Variants in NOL10 observed in about 807,000 individuals in gnomAD.
The protein encoded by NOL10 is nucleolar protein 10.
Under a neutral mutation model 103.5 loss-of-function variants are expected in NOL10, and 58 were observed. That is an observed-to-expected ratio of 0.56 (90% CI 0.45 to 0.70). The LOEUF (loss-of-function observed/expected upper bound fraction) is 0.70, where lower values mean the gene tolerates loss of function less well. NOL10 is among the 30% of genes least tolerant of loss of function. The pLI, the probability that NOL10 is intolerant of heterozygous loss-of-function variation, is 0.00. For synonymous variants in NOL10, 287 were observed against 282.5 expected (o/e 1.02, Z -0.16); for missense variants, 763 against 807.3 (o/e 0.95, Z 0.67).
chr2:10,621,789 T>A (rs184459612), intron 13 of NOL10, among the ~76,000 whole-genome samples: 69 of 152,234 alleles, frequency 4.5e-4, no homozygotes, highest in African/African-American at 1.6e-3. Flanking sequence ...ACAAAATATA[T>A]TTCTTTGAGA....
At chr2:10,646,344 A>G (rs989529429) in intron 12 of NOL10, among the ~76,000 whole-genome samples, 3 of 152,246 alleles carry the variant, frequency 2.0e-5, no homozygotes, top group African/African-American at 4.8e-5. Context: ...ACATTCCACA[A>G]TGAAATACAA....
chr2:10,633,434 A>G (rs941572800), intron 13 of NOL10, among the ~76,000 whole-genome samples: 1 of 151,122 alleles, frequency 6.6e-6, no homozygotes, highest in Non-Finnish European at 1.5e-5. Flanking sequence ...GTATCATAAC[A>G]TTGGTATTAA....
In NOL10 at chr2:10,682,061, T is replaced by C. The variant is rs1312934284; in HGVS notation, c.121A>G (p.Arg41Gly). 2.0e-6 allele frequency: 3 copies of C among 1,469,236 alleles called. No individual in the cohort carries two copies. The highest frequency in any genetic ancestry group is 1.5e-5 in the South Asian group (1 of 67,896). The allele number at this position is 1,469,236 out of a possible 1,614,324, so 91.0% of individuals were successfully genotyped here. The stretch of plus-strand genomic sequence containing the variant: ...AAGTCCTGAATAAGTTCAATTCTCC[T>C]ACGGACATCTAAAAAGAGAGAAAAA... ...ALQKKDVDVR[R>G]RIELIQDFEM... Residue 41 changes from arginine (R) to glycine (G), a missense_variant, in exon 3 of 21, where the codon AGG (arginine) becomes GGG (glycine). Transcript: ENST00000381685.
In NOL10 at chr2:10,600,960, G is replaced by A; in HGVS notation, c.1333-18C>T. On this transcript the variant is annotated intron_variant, in intron 16 of 20. Transcript: ENST00000381685. ...GGCAATTTCTAGAGAGAAAATAAAA[G>A]CTGGTATTTTATTTTATTTTAAAAG... The A allele has an allele frequency of 7.1e-7, 1 of 1,410,228 alleles. No individual in the cohort carries two copies. Among genetic ancestry groups the A allele is most frequent in the South Asian group, 1.3e-5 (1 of 77,282 alleles). The allele number at this position is 1,410,228 out of a possible 1,614,324, so 87.4% of individuals were successfully genotyped here.
intron 12 of NOL10, among the ~76,000 whole-genome samples, chr2:10,650,046 C>T (rs1456994259): frequency 1.3e-5 from 2 of 152,158 alleles, no homozygotes; most frequent in African/African-American, 4.8e-5. Flanking sequence ...TTTTAAAATG[C>T]TACTCATTAA....
chr2:10,688,807 T>A (rs558100300), intron 1 of NOL10, among the ~76,000 whole-genome samples: 4 of 152,282 alleles, frequency 2.6e-5, no homozygotes, highest in Middle Eastern at 3.4e-3. Flanking sequence ...ATGAACAAAA[T>A]GAGAAAGCTC....
intron 19 of NOL10, among the ~76,000 whole-genome samples, chr2:10,583,976 A>C (rs531421566): frequency 6.6e-6 from 1 of 152,322 alleles, no homozygotes; most frequent in Middle Eastern, 3.4e-3. Context: ...GATCCCATTC[A>C]TCTAAGCTGT....
In NOL10 at chr2:10,577,726, T is replaced by C; in HGVS notation, c.1857A>G (p.Glu619=). 6.2e-7 allele frequency: 1 copy of C among 1,607,208 alleles called. No homozygotes were observed. The highest frequency in any genetic ancestry group is 8.5e-7 in the Non-Finnish European group (1 of 1,175,662). ...TKQKLMNKTL[E]DRLKIEAKNG... ...TTTTTGCTTCAATTTTCAAACGATC[T>C]TCAAGGGTTTTGCTATGGGAAATTC... Residue 619 remains glutamate (E), a synonymous_variant, in exon 20 of 21, where the codon GAA becomes GAG. Coordinates refer to ENST00000381685, the MANE Select transcript of NOL10 (RefSeq NM_024894.4).
intron 13 of NOL10, among the ~76,000 whole-genome samples, chr2:10,625,065 A>G (rs537187839): frequency 8.5e-5 from 13 of 152,338 alleles, no homozygotes; most frequent in African/African-American, 3.1e-4. Context: ...GACATTTTGG[A>G]AAAAAGCAAA....
chr2:10,589,835 CTATTA>C, intron 17 of NOL10, 84 bp from the exon 18 acceptor site: 1 of 825,034 alleles, frequency 1.2e-6, no homozygotes, highest in Non-Finnish European at 1.8e-6. Context: ...AACACTGATT[CTATTA>C]TAAGTTAATA....
At chr2:10,592,956 C>A (rs966893097) in intron 17 of NOL10, among the ~76,000 whole-genome samples, 4 of 151,980 alleles carry the variant, frequency 2.6e-5, no homozygotes, top group African/African-American at 7.3e-5. Context: ...CCTATAAATA[C>A]CCGTCTACAC....
chr2:10,686,800 G>C (rs918510992), intron 1 of NOL10, among the ~76,000 whole-genome samples: 6 of 152,068 alleles, frequency 3.9e-5, no homozygotes, highest in African/African-American at 1.4e-4. Flanking sequence ...GCGGGATGGA[G>C]TTGCCACTGG....
At chr2:10,639,579 T>A (rs1678560644) in intron 13 of NOL10, among the ~76,000 whole-genome samples, 1 of 152,126 alleles carries the variant, frequency 6.6e-6, no homozygotes, top group Non-Finnish European at 1.5e-5. Context: ...GGGCTCGGAA[T>A]TCAGGAGCAT....
At chr2:10,684,475 T>C (rs1682007822) in intron 2 of NOL10, 92 bp downstream of exon 2, 2 of 1,028,828 alleles carry the variant, frequency 1.9e-6, no homozygotes, top group East Asian at 5.3e-5. Flanking sequence ...ACCGCATTCT[T>C]ATAAATCCTC....
chr2:10,686,365 C>T (rs754877398), intron 1 of NOL10, among the ~76,000 whole-genome samples: 43 of 152,074 alleles, frequency 2.8e-4, no homozygotes, highest in Admixed American at 1.2e-3. Context: ...TGCCTGGTCT[C>T]GAGCAGTGAG....
intron 13 of NOL10, among the ~76,000 whole-genome samples, chr2:10,624,380 G>A (rs1052110970): frequency 5.3e-5 from 8 of 151,858 alleles, no homozygotes; most frequent in African/African-American, 1.9e-4. Flanking sequence ...AGCCCCAAGT[G>A]GAGCAGAACA....
At chr2:10,576,691 T>C (rs1243105529) in intron 20 of NOL10, among the ~76,000 whole-genome samples, 3 of 152,140 alleles carry the variant, frequency 2.0e-5, no homozygotes, top group African/African-American at 7.2e-5. Context: ...AGTAGATTAG[T>C]GGTTGCCAGG....
chr2:10,659,353 G>GA (rs1491477528), intron 9 of NOL10, 103 bp from the exon 10 acceptor site: 1 of 398,802 alleles, frequency 2.5e-6, no homozygotes, highest in Non-Finnish European at 4.8e-6. Context: ...GGGGGGGGGG[G>GA]GAGGAATCAC....
intron 12 of NOL10, among the ~76,000 whole-genome samples, chr2:10,649,195 C>T (rs186675286): frequency 3.8e-4 from 57 of 149,352 alleles, no homozygotes; most frequent in African/African-American, 1.3e-3. Flanking sequence ...ACCACAACAA[C>T]CACAGAAGCA....
Sources: gnomAD v4.1 joint callset for allele counts (sites outside exome capture counted in the v4.1 genomes callset) on GRCh38, gnomAD v4.1.1 for gene constraint, MANE v1.5 for transcripts, NCBI Gene and HGNC (gene_info 2026-07-23, HGNC 2026-07-21) for gene names.